BUB1: variants seen among roughly 807,000 people sequenced by gnomAD.
BUB1 encodes the protein mitotic checkpoint serine/threonine-protein kinase BUB1.
In BUB1, 84 loss-of-function variants were observed where a neutral mutation model predicts 135.2. The ratio of observed to expected loss-of-function variants is 0.62; its 90% CI spans 0.52 to 0.74. BUB1 has a LOEUF of 0.74. Among genes scored for constraint, BUB1 ranks in the 30% least tolerant of loss-of-function variants. The probability of loss-of-function intolerance (pLI) is 0.00; values close to 1 mark genes in which losing one functional copy is unlikely to be tolerated. For missense variants in BUB1, 1,162 were observed against 1,288.3 expected (o/e 0.90, Z 1.50); for synonymous variants, 403 against 434.4 (o/e 0.93, Z 0.90).
chr2:110,664,271 A>C (rs575182719), intron 9 of BUB1, among the ~76,000 whole-genome samples: 9 of 152,290 alleles, frequency 5.9e-5, no homozygotes, highest in Admixed American at 5.2e-4. Flanking sequence ...ATGGATGAAA[A>C]GATAAATACC....
At chr2:110,642,345 T>C in intron 19 of BUB1, 111 bp from the exon 20 acceptor site, 3 of 609,684 alleles carry the variant, frequency 4.9e-6, no homozygotes, top group Non-Finnish European at 8.4e-6. Flanking sequence ...TCGCATCCAC[T>C]GTCTGCAGTT....
chr2:110,668,870 G>A (rs1375208888), intron 6 of BUB1, among the ~76,000 whole-genome samples: 1 of 149,848 alleles, frequency 6.7e-6, no homozygotes, highest in Non-Finnish European at 1.5e-5. Context: ...AGAGGCTAGA[G>A]GTAGCGAGGT....
At position 110,649,218 on chromosome 2, in the gene BUB1, T is replaced by C; in HGVS notation, c.2347+16A>G. 1 of 1,600,236 alleles carries C rather than the reference T, an allele frequency of 6.2e-7. No homozygotes were observed. Reference sequence around the variant, plus strand: ...GAAACAAGAATTTAAAGTTATATTATCCAAATAATTCTTACCCAATTGAAA... The same window carrying C: ...GAAACAAGAATTTAAAGTTATATTACCCAAATAATTCTTACCCAATTGAAA... On this transcript the variant is annotated intron_variant, in intron 19 of 24. Transcript: ENST00000302759.
Position 110,658,627 on chromosome 2 carries a change from T to G in BUB1, c.1392A>C (p.Thr464=). 1 of 1,614,242 alleles carries G rather than the reference T, an allele frequency of 6.2e-7. No individual in the cohort carries two copies. Among genetic ancestry groups the G allele is most frequent in the Non-Finnish European group, 8.5e-7 (1 of 1,180,048 alleles). The change falls in exon 12 of 25, where the codon ACA becomes ACC. Residue 464 remains threonine, a synonymous_variant. Transcript: ENST00000302759. The stretch of plus-strand genomic sequence containing the variant: ...AAAATACTTTACCTAATGCTTCTTT[T>G]GTGTGCACGGTGGGTGATGGCTGCA... ...SKVQPSPTVH[T]KEALGFIMNM... is the part of the protein sequence containing the mutation.
At position 110,637,585 on chromosome 2, in the gene BUB1, A is replaced by AGTGAGTGTGTGT. The variant is rs1689395647; in HGVS notation, c.*378_*379insACACACACTCAC. ...TGAAGTCCCTTGGAAATGTTAGGGA[A>AGTGAGTGTGTGT]GTGTGTGTGTGTGTGTGTGTGTGTG... On this transcript the variant is annotated 3_prime_UTR_variant, in exon 25 of 25. Coordinates refer to ENST00000302759, the MANE Select transcript of BUB1 (RefSeq NM_004336.5). 1 of 147,502 alleles carries AGTGAGTGTGTGT rather than the reference A, an allele frequency of 6.8e-6. No individual in the cohort carries two copies. Among genetic ancestry groups the AGTGAGTGTGTGT allele is most frequent in the South Asian group, 2.2e-4 (1 of 4,526 alleles). The allele number at this position is 147,502 out of a possible 1,614,324, so 9.1% of individuals were successfully genotyped here.
At chr2:110,651,537 A>G (rs1279094552) in intron 17 of BUB1, among the ~76,000 whole-genome samples, 2 of 152,248 alleles carry the variant, frequency 1.3e-5, no homozygotes, top group Non-Finnish European at 2.9e-5. Context: ...AAAAGCTCAC[A>G]GTAAGCTAAG....
rs778553647 is a variant in BUB1, at chr2:110,650,546, T to C, written c.2203A>G (p.Asn735Asp). ...MSSLGTVDAP[N>D]FIVGNPWDDK... is the part of the protein sequence containing the mutation. The stretch of plus-strand genomic sequence containing the variant: ...CATAACAAAGAGTGAGTGTTCGTAC[T>C]TGGAGCATCAACAGTCCCAAGTGAA... Residue 735 changes from asparagine (N) to aspartate (D), a missense_variant and splice_region_variant, in exon 18 of 25, where the codon AAC becomes GAC. Transcript: ENST00000302759. The C allele has an allele frequency of 6.2e-7, 1 of 1,612,996 alleles. No homozygotes were observed. The highest frequency in any genetic ancestry group is 8.5e-7 in the Non-Finnish European group (1 of 1,179,374).
Position 110,639,506 on chromosome 2 carries a change from C to A in BUB1, c.3062+236G>T, listed in dbSNP as rs538972922. Among the ~76,000 whole-genome samples the A allele has an allele frequency of 2.0e-5, 3 of 152,128 alleles. No individual in the cohort carries two copies. The East Asian group carries it at 5.8e-4, about 29-fold the overall frequency. ...ATTTGCGTGTGTACAGGATGTCAAC[C>A]ATTTGGCCAGGAGCTTTCAGTGAGG... is the stretch of plus-strand genomic sequence containing the variant. On this transcript the variant is annotated intron_variant, in intron 24 of 24. Coordinates refer to ENST00000302759, the MANE Select transcript of BUB1 (RefSeq NM_004336.5).
At chr2:110,650,256 T>C (rs1020149879) in intron 18 of BUB1, among the ~76,000 whole-genome samples, 9 of 151,864 alleles carry the variant, frequency 5.9e-5, no homozygotes, top group Non-Finnish European at 1.3e-4. Context: ...TTCTGTAAAA[T>C]GTAAAATATA....
intron 24 of BUB1, among the ~76,000 whole-genome samples, 185 bp downstream of exon 24, chr2:110,639,557 A>G (rs968468198): frequency 9.9e-5 from 15 of 152,094 alleles, no homozygotes; most frequent in Non-Finnish European, 1.6e-4. Flanking sequence ...GTGGGGAGAG[A>G]GAAGTGGTAA....
chr2:110,670,387 C>G, intron 5 of BUB1, 138 bp downstream of exon 5: 1 of 910,636 alleles, frequency 1.1e-6, no homozygotes, highest in Non-Finnish European at 1.8e-6. Context: ...ATGCACCCAT[C>G]TTGGCCTCCC....
intron 18 of BUB1, 140 bp downstream of exon 18, chr2:110,650,406 T>C (rs1689752820): frequency 4.3e-6 from 3 of 698,932 alleles, no homozygotes; most frequent in South Asian, 1.9e-5. Context: ...TTGTGATGCA[T>C]TATGCAAGTT....
chr2:110,642,033 C>CTA, intron 20 of BUB1, 86 bp downstream of exon 20: 1 of 1,095,072 alleles, frequency 9.1e-7, no homozygotes, highest in Non-Finnish European at 1.3e-6. Context: ...AAAAACACCA[C>CTA]TATCTTAAAG....
intron 15 of BUB1, among the ~76,000 whole-genome samples, chr2:110,656,379 T>G (rs1318695494): frequency 6.6e-6 from 1 of 152,236 alleles, no homozygotes; most frequent in Non-Finnish European, 1.5e-5. Flanking sequence ...TCACCTTTAG[T>G]TCTCAAGTGT....
chr2:110,652,383 A>G lies in BUB1; in HGVS notation c.1964+1053T>C, dbSNP rs1352360563. On this transcript the variant is annotated intron_variant, in intron 17 of 24. Transcript: ENST00000302759. ...TTTTTCTTGGTGATTTTGGTATTGAAAATGGTCCCAAAGTATAGTGCTGAA... is the reference window on the plus strand; with the variant it reads ...TTTTTCTTGGTGATTTTGGTATTGAGAATGGTCCCAAAGTATAGTGCTGAA... Among the ~76,000 whole-genome samples the G allele has an allele frequency of 3.3e-5, 5 of 152,142 alleles. No individual in the cohort carries two copies. The East Asian group carries it at 9.6e-4, about 29-fold the overall frequency.
intron 15 of BUB1, among the ~76,000 whole-genome samples, chr2:110,656,651 A>G (rs1437309314): frequency 1.3e-5 from 2 of 152,220 alleles, no homozygotes; most frequent in Non-Finnish European, 2.9e-5. Flanking sequence ...GATTAGGCAG[A>G]ATCTCCCATG....
rs368978821 is a variant in BUB1, at chr2:110,676,509, G to A, written c.26+1461C>T. On this transcript the variant is annotated intron_variant, in intron 1 of 24. Transcript: ENST00000302759. ...GCAGATCTAGAAGACACATACACATGTGTATCCGCAAAATGTTATGTACAA... is the reference window on the plus strand; with the variant it reads ...GCAGATCTAGAAGACACATACACATATGTATCCGCAAAATGTTATGTACAA... 2.0e-5 allele frequency: 3 copies of A among 152,282 alleles called. No homozygotes were observed. The East Asian group carries it at 5.8e-4, about 29-fold the overall frequency. The allele number at this position is 152,282 out of a possible 1,614,324, so 9.4% of individuals were successfully genotyped here. A position where few individuals can be genotyped will look rare whatever the true frequency, so the allele number is the denominator to read the frequency against.
intron 6 of BUB1, among the ~76,000 whole-genome samples, chr2:110,668,581 T>C (rs760308206): frequency 6.6e-6 from 1 of 152,188 alleles, no homozygotes; most frequent in African/African-American, 2.4e-5. Flanking sequence ...GAAAGAAAGT[T>C]GTACTGTGGA....
chr2:110,648,959 A>T lies in BUB1; in HGVS notation c.2347+275T>A. 4.3e-6 allele frequency: 1 copy of T among 232,974 alleles called. No individual in the cohort carries two copies. The highest frequency in any genetic ancestry group is 8.3e-6 in the Non-Finnish European group (1 of 120,438). The allele number at this position is 232,974 out of a possible 1,614,324, so 14.4% of individuals were successfully genotyped here. ...ATAATATCTATAGGAAATCCTTAAA[A>T]GTGGATAGCTGGCTTTAAAAGTAAA... On this transcript the variant is annotated intron_variant, in intron 19 of 24. Transcript: ENST00000302759. This position sits in a 1 kb window ranked among gnomAD's most constrained non-coding sequence, Gnocchi z 4.2.
Sources: allele counts gnomAD v4.1 joint callset (sites outside exome capture counted in the v4.1 genomes callset), GRCh38; gene constraint gnomAD v4.1.1; non-coding constraint Gnocchi (gnomAD v3.1); transcripts MANE v1.5; gene names NCBI Gene and HGNC (gene_info 2026-07-23, HGNC 2026-07-21).